SETD7: variants seen among roughly 807,000 people sequenced by gnomAD.
SETD7 encodes the protein histone-lysine N-methyltransferase SETD7.
In SETD7, 16 loss-of-function variants were observed where a neutral mutation model predicts 41.8. The ratio of observed to expected loss-of-function variants is 0.38; its 90% CI spans 0.26 to 0.58. The LOEUF is 0.58. SETD7 is among the 20% of genes least tolerant of loss of function. SETD7 has a pLI of 0.64. For missense variants in SETD7, 346 were observed against 459.7 expected, an observed-to-expected ratio of 0.75 and a Z score of 2.26; for synonymous variants, 163 against 169.7, an observed-to-expected ratio of 0.96 and a Z score of 0.31.
chr4:139,499,126 G>C (rs1206620902), intron 7 of SETD7, among the ~76,000 whole-genome samples: 1 of 152,192 alleles, frequency 6.6e-6, no homozygotes, highest in African/African-American at 2.4e-5. Context: ...ATTCCAGAAA[G>C]GGCACTAAAG....
At chr4:139,505,067 G>A (rs1726668904), downstream of SETD7, among the ~76,000 whole-genome samples, 1 of 152,096 alleles carries the variant, frequency 6.6e-6, no homozygotes, top group African/African-American at 2.4e-5. Flanking sequence ...ACTCGTTTCT[G>A]TTTCCTTCCT....
At chr4:139,538,190 G>C (rs911493842) in intron 2 of SETD7, among the ~76,000 whole-genome samples, 2 of 151,958 alleles carry the variant, frequency 1.3e-5, no homozygotes. Flanking sequence ...CAATTGACTG[G>C]AAGAAAATAA....
intron 6 of SETD7, among the ~76,000 whole-genome samples, chr4:139,518,349 G>A (rs1381620418): frequency 2.0e-5 from 3 of 152,072 alleles, no homozygotes; most frequent in Admixed American, 6.6e-5. Flanking sequence ...GGCTGGTCTC[G>A]AACTCCTGAC....
intron 4 of SETD7, among the ~76,000 whole-genome samples, chr4:139,525,111 C>T (rs543106632): frequency 1.3e-5 from 2 of 152,204 alleles, no homozygotes; most frequent in African/African-American, 4.8e-5. Context: ...GCTGCTGTGC[C>T]CAGCCGTCAC....
chr4:139,511,122 AG>A lies in SETD7; in HGVS notation c.*540del, dbSNP rs1560675152. 1 of 154,722 alleles carries A rather than the reference AG, an allele frequency of 6.5e-6. No homozygotes were observed. The highest frequency in any genetic ancestry group is 2.4e-5 in the African/African-American group (1 of 41,468). 9.6% of individuals were successfully genotyped at this position (154,722 alleles called of 1,614,324 possible). A position where few individuals can be genotyped will look rare whatever the true frequency, so the allele number is the denominator to read the frequency against. ...GGCTGAGGGGTGAAATGACTTTAGA[AG>A]TGGGCTCCTATTTACTAAGAAAAAA... On this transcript the variant is annotated 3_prime_UTR_variant, in exon 8 of 8. Coordinates refer to ENST00000274031, the MANE Select transcript of SETD7 (RefSeq NM_030648.4).
intron 7 of SETD7, among the ~76,000 whole-genome samples, chr4:139,512,500 TACA>T (rs1008149044): frequency 3.3e-5 from 5 of 152,212 alleles, no homozygotes; most frequent in Non-Finnish European, 7.3e-5. Flanking sequence ...ATCTCCTTCC[TACA>T]ACAAGTCCTC....
At position 139,551,402 on chromosome 4, in the gene SETD7, A is replaced by G. The variant is rs937098245; in HGVS notation, c.41-4353T>C. 9.8e-5 allele frequency among the ~76,000 whole-genome samples: 15 copies of G among 152,366 alleles called. No homozygotes were observed. In the East Asian group the frequency reaches 2.7e-3, roughly 27 times the overall value. On this transcript the variant is annotated intron_variant, in intron 1 of 7. Transcript: ENST00000274031. Reference sequence around the variant, plus strand: ...AATATTTACAGAAGTTAGAGAAAGGAAAAAAGTATCAGTTCACAAGTCTAC... The same window carrying G: ...AATATTTACAGAAGTTAGAGAAAGGGAAAAAGTATCAGTTCACAAGTCTAC...
intron 2 of SETD7, among the ~76,000 whole-genome samples, chr4:139,535,481 C>T (rs144503991): frequency 5.3e-4 from 81 of 152,214 alleles, no homozygotes; most frequent in African/African-American, 1.9e-3. Context: ...AATATTACTC[C>T]CTGACAGACT....
chr4:139,517,870 C>T lies in SETD7; in HGVS notation c.920+15G>A. On this transcript the variant is annotated intron_variant, in intron 7 of 7. Transcript: ENST00000274031. ...GAGGCATAGATCCGCCCCAGCAGCT[C>T]TGGGTAATACTTACATATCGTAGAT... 1 of 1,607,100 alleles carries T rather than the reference C, an allele frequency of 6.2e-7. No individual in the cohort carries two copies. The highest frequency in any genetic ancestry group is 2.2e-5 in the East Asian group (1 of 44,588).
chr4:139,556,212 C>A lies in SETD7; in HGVS notation c.-75G>T. 1 of 1,499,164 alleles carries A rather than the reference C, an allele frequency of 6.7e-7. No individual in the cohort carries two copies. 92.9% of individuals were successfully genotyped at this position (1,499,164 alleles called of 1,614,324 possible). A position where few individuals can be genotyped will look rare whatever the true frequency, so the allele number is the denominator to read the frequency against. On this transcript the variant is annotated 5_prime_UTR_variant, in exon 1 of 8. Coordinates refer to ENST00000274031, the MANE Select transcript of SETD7 (RefSeq NM_030648.4). ...CCTCTGGGTGCTCCCGGCGGCTGAG[C>A]GAGCTCTGGGGCTCGCGAGTTTGGA...
chr4:139,543,530 C>T (rs1056800847), intron 2 of SETD7, among the ~76,000 whole-genome samples: 1 of 152,166 alleles, frequency 6.6e-6, no homozygotes, highest in Non-Finnish European at 1.5e-5. Flanking sequence ...CTGACATTTT[C>T]CCCTTAAGAT....
chr4:139,555,468 T>A lies in SETD7; in HGVS notation c.40+630A>T, dbSNP rs1728237181. ...GCAGCTGAGGGGAGGGCTGCCCGCC[T>A]CCCGGACGGCGCACGTTCGAGTCCC... On this transcript the variant is annotated intron_variant, in intron 1 of 7. Coordinates refer to ENST00000274031, the MANE Select transcript of SETD7 (RefSeq NM_030648.4). This position sits in a 1 kb window ranked among gnomAD's most constrained non-coding sequence, Gnocchi z 4.0. 6.6e-6 allele frequency among the ~76,000 whole-genome samples: 1 copy of A among 151,896 alleles called. No homozygotes were observed. Among genetic ancestry groups the A allele is most frequent in the Non-Finnish European group, 1.5e-5 (1 of 67,956 alleles).
chr4:139,554,559 CCCTGTGGATCAACT>C (rs1354603969), intron 1 of SETD7, among the ~76,000 whole-genome samples: 1 of 152,196 alleles, frequency 6.6e-6, no homozygotes, highest in Admixed American at 6.5e-5. Context: ...TCAGAAGGCT[CCCTGTGGATCAACT>C]CAATCAATGT....
At chr4:139,514,461 T>G (rs1726966436) in intron 7 of SETD7, among the ~76,000 whole-genome samples, 1 of 142,340 alleles carries the variant, frequency 7.0e-6, no homozygotes, top group Admixed American at 6.8e-5. Context: ...ATTATCATCA[T>G]CATTTTCAGA....
chr4:139,534,604 G>T (rs1208693532), intron 2 of SETD7, among the ~76,000 whole-genome samples: 2 of 151,934 alleles, frequency 1.3e-5, no homozygotes, highest in African/African-American at 4.8e-5. Flanking sequence ...TACGTATGCT[G>T]GTCTCGAACT....
At position 139,555,960 on chromosome 4, in the gene SETD7, C is replaced by T; in HGVS notation, c.40+138G>A. On this transcript the variant is annotated intron_variant, in intron 1 of 7. Transcript: ENST00000274031. This position sits in a 1 kb window ranked among gnomAD's most constrained non-coding sequence, Gnocchi z 4.0. Reference sequence around the variant, plus strand: ...TGACCGTGGCTGTCGGGCCCCCGCCCGAGCCGGGCAACCGGCCACCCGTGT... The same window carrying T: ...TGACCGTGGCTGTCGGGCCCCCGCCTGAGCCGGGCAACCGGCCACCCGTGT... The T allele has an allele frequency of 2.7e-6, 2 of 750,352 alleles. No homozygotes were observed. Among genetic ancestry groups the T allele is most frequent in the Non-Finnish European group, 3.7e-6 (2 of 541,308 alleles). 46.5% of individuals were successfully genotyped at this position (750,352 alleles called of 1,614,324 possible).
chr4:139,524,633 G>A (rs1271961898), intron 4 of SETD7, among the ~76,000 whole-genome samples: 2 of 152,164 alleles, frequency 1.3e-5, no homozygotes, highest in Admixed American at 1.3e-4. Flanking sequence ...GCCAGCCAGT[G>A]GCCTCCCTTT....
intron 2 of SETD7, among the ~76,000 whole-genome samples, chr4:139,540,637 T>G (rs894621052): frequency 1.3e-5 from 2 of 152,230 alleles, no homozygotes; most frequent in African/African-American, 4.8e-5. Flanking sequence ...GAAGACCACG[T>G]GTCCAGTGTT....
chr4:139,529,399 A>AT (rs1560684462), intron 3 of SETD7, among the ~76,000 whole-genome samples, 179 bp from the exon 4 acceptor site: 1 of 152,202 alleles, frequency 6.6e-6, no homozygotes, highest in Non-Finnish European at 1.5e-5. Context: ...CTCCTCATCC[A>AT]GCTCCATACA....
Sources: gnomAD v4.1 joint callset for allele counts (sites outside exome capture counted in the v4.1 genomes callset) on GRCh38, gnomAD v4.1.1 for gene constraint, Gnocchi (gnomAD v3.1) non-coding constraint, MANE v1.5 for transcripts, NCBI Gene and HGNC (gene_info 2026-07-23, HGNC 2026-07-21) for gene names.